Variants in STT3B observed in about 807,000 individuals in gnomAD.
The protein encoded by STT3B is STT3 oligosaccharyltransferase complex catalytic subunit B.
A neutral mutation model predicts 96.8 loss-of-function variants in STT3B; 29 were observed. The observed-to-expected ratio is 0.30, with a 90% CI of 0.22 to 0.41. The LOEUF is 0.41. STT3B is among the 10% of genes least tolerant of loss of function. STT3B has a pLI of 1.00. For missense variants in STT3B, 640 were observed against 1,022.3 expected (o/e 0.63, Z 5.10); for synonymous variants, 367 against 360.0 (o/e 1.02, Z -0.22).
At chr3:31,598,596 C>T (rs1460355244) in intron 4 of STT3B, among the ~76,000 whole-genome samples, 5 of 152,144 alleles carry the variant, frequency 3.3e-5, no homozygotes, top group Non-Finnish European at 5.9e-5. Flanking sequence ...AAATAAATCC[C>T]TGTAGTTAAA....
chr3:31,631,581 T>G (rs763573787), intron 14 of STT3B, among the ~76,000 whole-genome samples: 1 of 152,198 alleles, frequency 6.6e-6, no homozygotes, highest in East Asian at 1.9e-4. Flanking sequence ...AAGTGTAACT[T>G]TTGCTATCAT....
chr3:31,537,593 G>C (rs1455301488), intron 1 of STT3B, among the ~76,000 whole-genome samples: 1 of 152,188 alleles, frequency 6.6e-6, no homozygotes, highest in African/African-American at 2.4e-5. Flanking sequence ...GGTCTGTCAT[G>C]AATGCCCTTG....
Position 31,576,769 on chromosome 3 carries a change from A to T in STT3B, c.423+265A>T, listed in dbSNP as rs567732337. The stretch of plus-strand genomic sequence containing the variant: ...GGGTGGGGATCTGCTGTCACAGTGT[A>T]TCTGAATGAAGTTCAGTTTATTTGT... On this transcript the variant is annotated intron_variant, in intron 2 of 15. Transcript: ENST00000295770. 2.0e-5 allele frequency among the ~76,000 whole-genome samples: 3 copies of T among 152,258 alleles called. No individual in the cohort carries two copies. In the East Asian group the frequency reaches 5.8e-4, roughly 29 times the overall value.
intron 3 of STT3B, among the ~76,000 whole-genome samples, chr3:31,595,322 T>C (rs907338424): frequency 1.3e-5 from 2 of 152,220 alleles, no homozygotes; most frequent in South Asian, 2.1e-4. Flanking sequence ...TATATCATAA[T>C]ACCATACTTA....
intron 3 of STT3B, among the ~76,000 whole-genome samples, chr3:31,584,500 A>T (rs1223372669): frequency 1.3e-5 from 2 of 152,218 alleles, no homozygotes; most frequent in East Asian, 1.9e-4. Flanking sequence ...TTCAACAGAA[A>T]TTTTTGTAGA....
At chr3:31,556,921 G>T (rs1304392847) in intron 1 of STT3B, among the ~76,000 whole-genome samples, 5 of 152,018 alleles carry the variant, frequency 3.3e-5, no homozygotes, top group African/African-American at 1.2e-4. Flanking sequence ...TTTTGTTTTT[G>T]TTTTCTGTGC....
At chr3:31,580,201 A>T in intron 3 of STT3B, 105 bp downstream of exon 3, 1 of 1,091,834 alleles carries the variant, frequency 9.2e-7, no homozygotes. Context: ...GTAGTTGCGT[A>T]CAGAGATCTG....
At chr3:31,561,192 G>A (rs1054476433) in intron 1 of STT3B, among the ~76,000 whole-genome samples, 2 of 150,266 alleles carry the variant, frequency 1.3e-5, no homozygotes, top group African/African-American at 2.4e-5. Context: ...GAATTCTCTT[G>A]TATCCTACTG....
intron 1 of STT3B, among the ~76,000 whole-genome samples, chr3:31,559,146 G>GGGGTGTGTGTGT (rs949401027): frequency 8.6e-5 from 10 of 116,534 alleles, no homozygotes; most frequent in South Asian, 3.1e-4. Flanking sequence ...TGATTCTTGG[G>GGGGTGTGTGTGT]GTGTGTGTGT....
chr3:31,616,639 G>A (rs1240506225), intron 6 of STT3B, among the ~76,000 whole-genome samples: 1 of 151,718 alleles, frequency 6.6e-6, no homozygotes, highest in Non-Finnish European at 1.5e-5. Flanking sequence ...AGGAAAGGGA[G>A]GAACTTAATG....
chr3:31,617,162 G>T (rs115518219), intron 7 of STT3B, 87 bp downstream of exon 7: 18 of 957,522 alleles, frequency 1.9e-5, no homozygotes, highest in Non-Finnish European at 2.6e-5. Flanking sequence ...CTGAATAACA[G>T]CATGACTACA....
intron 1 of STT3B, among the ~76,000 whole-genome samples, chr3:31,573,775 T>C (rs956516017): frequency 2.6e-5 from 4 of 152,130 alleles, no homozygotes; most frequent in African/African-American, 4.8e-5. Flanking sequence ...ATGATATTAG[T>C]GAATTGTGGG....
At chr3:31,601,939 A>T (rs1698938778) in intron 5 of STT3B, among the ~76,000 whole-genome samples, 1 of 152,192 alleles carries the variant, frequency 6.6e-6, no homozygotes, top group South Asian at 2.1e-4. Context: ...AACGGGGCTG[A>T]GGCTTGAACT....
At chr3:31,625,203 T>C (rs1437128689) in intron 12 of STT3B, 118 bp downstream of exon 12, 1 of 851,770 alleles carries the variant, frequency 1.2e-6, no homozygotes, top group East Asian at 2.5e-5. Context: ...ATTCTCAAAA[T>C]ACTTTTTTAC....
intron 1 of STT3B, among the ~76,000 whole-genome samples, chr3:31,536,327 C>A (rs1405070172): frequency 2.0e-5 from 3 of 152,174 alleles, no homozygotes; most frequent in Non-Finnish European, 4.4e-5. Context: ...TTGCTCAGAT[C>A]ACCATCATAT....
chr3:31,632,353 T>G (rs1446051168), intron 14 of STT3B, among the ~76,000 whole-genome samples: 1 of 152,222 alleles, frequency 6.6e-6, no homozygotes, highest in Non-Finnish European at 1.5e-5. Context: ...GACAAAGACA[T>G]GTTTACATCC....
At chr3:31,574,779 C>A (rs974160161) in intron 1 of STT3B, among the ~76,000 whole-genome samples, 1 of 152,198 alleles carries the variant, frequency 6.6e-6, no homozygotes, top group Middle Eastern at 3.4e-3. Flanking sequence ...CTAATTTTGT[C>A]ATTCCTTTGT....
At chr3:31,537,921 A>T (rs1697142650) in intron 1 of STT3B, among the ~76,000 whole-genome samples, 2 of 152,302 alleles carry the variant, frequency 1.3e-5, no homozygotes, top group East Asian at 1.9e-4. Flanking sequence ...GAAGGATGGA[A>T]AGGTTAATAT....
Position 31,590,353 on chromosome 3 carries a change from T to C in STT3B, c.712-6445T>C, listed in dbSNP as rs535320867. Among the ~76,000 whole-genome samples the C allele has an allele frequency of 5.9e-5, 9 of 152,156 alleles. 1 individual carries two copies. The South Asian group carries it at 1.9e-3, about 31-fold the overall frequency. On this transcript the variant is annotated intron_variant, in intron 3 of 15. Transcript: ENST00000295770. ...TCCTTCTAATTCACACTTGGTTTAC[T>C]CTTTTCTAGCTTCTTAAAGTTGAAG... is the stretch of plus-strand genomic sequence containing the variant.
Sources: gnomAD v4.1 joint callset for allele counts (sites outside exome capture counted in the v4.1 genomes callset) on GRCh38, gnomAD v4.1.1 for gene constraint, MANE v1.5 for transcripts, NCBI Gene and HGNC (gene_info 2026-07-23, HGNC 2026-07-21) for gene names.